CALN1: variants seen among roughly 807,000 people sequenced by gnomAD.
The protein encoded by CALN1 is calneuron 1.
In CALN1, 17 loss-of-function variants were observed where a neutral mutation model predicts 30.6. The observed-to-expected ratio is 0.56, with a 90% confidence interval of 0.38 to 0.83. CALN1 has a LOEUF of 0.83. CALN1 is among the 40% of genes least tolerant of loss of function. CALN1 has a pLI of 0.00. For synonymous variants in CALN1, 156 were observed against 131.4 expected, an observed-to-expected ratio of 1.19 and a Z score of -1.28; for missense variants, 291 against 354.9, an observed-to-expected ratio of 0.82 and a Z score of 1.45.
chr7:71,900,872 T>G (rs1311960531), intron 5 of CALN1, among the ~76,000 whole-genome samples: 1 of 152,196 alleles, frequency 6.6e-6, no homozygotes, highest in Non-Finnish European at 1.5e-5. Context: ...ATCCGACATA[T>G]GTAGTAGCAT....
intron 5 of CALN1, among the ~76,000 whole-genome samples, chr7:71,877,352 T>A (rs1231148817): frequency 1.3e-5 from 2 of 152,140 alleles, no homozygotes; most frequent in Non-Finnish European, 2.9e-5. Context: ...GTTTACAGGT[T>A]CTAGTGAATG....
rs1226187277 is a variant in CALN1, at chr7:72,335,709, C to G, written c.120-56899G>C. Among the ~76,000 whole-genome samples the G allele has an allele frequency of 7.2e-5, 11 of 152,352 alleles. 1 individual carries two copies. Among genetic ancestry groups the G allele is most frequent in the Admixed American group, 6.5e-5 (1 of 15,300 alleles). The stretch of plus-strand genomic sequence containing the variant: ...CTTCGACCCAAATGGAAGAAAGGCG[C>G]CTTCCTCACACAAGCCTCGTCCAAG... On this transcript the variant is annotated intron_variant, in intron 2 of 6. Coordinates refer to ENST00000395275, the MANE Select transcript of CALN1 (RefSeq NM_031468.4).
chr7:72,355,896 C>T (rs1159916384), intron 2 of CALN1, among the ~76,000 whole-genome samples: 1 of 152,046 alleles, frequency 6.6e-6, no homozygotes, highest in African/African-American at 2.4e-5. Context: ...TCAAAGTGTA[C>T]ATTTTAAATG....
intron 4 of CALN1, among the ~76,000 whole-genome samples, chr7:72,027,129 A>T (rs546060994): frequency 3.9e-5 from 6 of 152,356 alleles, no homozygotes; most frequent in South Asian, 2.1e-4. Flanking sequence ...TTCTAGGGCT[A>T]CAGTACATAA....
Position 72,114,515 on chromosome 7 carries a change from G to A in CALN1, c.245-8221C>T, listed in dbSNP as rs761003454. On this transcript the variant is annotated intron_variant, in intron 3 of 6. Transcript: ENST00000395275. Reference sequence around the variant, plus strand: ...TGAAAATATGACAAGAATGGAAAATGGGGATAAAATGATGATCGCTGCATA... The same window carrying A: ...TGAAAATATGACAAGAATGGAAAATAGGGATAAAATGATGATCGCTGCATA... Among the ~76,000 whole-genome samples the A allele has an allele frequency of 9.2e-5, 14 of 151,986 alleles. 1 individual carries two copies. The South Asian group carries it at 1.2e-3, about 14-fold the overall frequency.
chr7:72,483,388 G>A, the CALN1 span, among the ~76,000 whole-genome samples: 2 of 149,230 alleles, frequency 1.3e-5, no homozygotes, highest in Non-Finnish European at 3.0e-5. Context: ...AGGTTCAAGT[G>A]ATTCTCCTAT....
chr7:72,327,652 C>T (rs1299108424), intron 2 of CALN1, among the ~76,000 whole-genome samples: 2 of 152,276 alleles, frequency 1.3e-5, no homozygotes, highest in East Asian at 3.9e-4. Context: ...TGAAAAAGTG[C>T]ACGCGATTTG....
At chr7:72,014,366 C>T (rs1165122049) in intron 5 of CALN1, among the ~76,000 whole-genome samples, 7 of 152,126 alleles carry the variant, frequency 4.6e-5, no homozygotes, top group African/African-American at 7.2e-5. Flanking sequence ...GGATTACAGG[C>T]GTGAGCCACT....
chr7:72,113,302 CTT>C (rs1218126608), intron 3 of CALN1, among the ~76,000 whole-genome samples: 2 of 152,148 alleles, frequency 1.3e-5, no homozygotes, highest in African/African-American at 4.8e-5. Flanking sequence ...CTCTCTCTCT[CTT>C]GCTTCCTCTC....
the CALN1 span, among the ~76,000 whole-genome samples, chr7:72,473,579 G>T: frequency 6.6e-6 from 1 of 152,124 alleles, no homozygotes; most frequent in Non-Finnish European, 1.5e-5. Context: ...ACTTATTAAT[G>T]AAATAATTAA....
intron 3 of CALN1, among the ~76,000 whole-genome samples, chr7:72,111,988 T>A (rs1018633797): frequency 6.6e-6 from 1 of 152,026 alleles, no homozygotes; most frequent in African/African-American, 2.4e-5. Context: ...TAACCTCAGG[T>A]GATCCACCCC....
the CALN1 span, among the ~76,000 whole-genome samples, chr7:72,487,698 G>GAAAGA: frequency 3.9e-3 from 337 of 86,218 alleles, 10 homozygotes; most frequent in African/African-American, 0.015. Context: ...AAGAAAGAAA[G>GAAAGA]AAAGAAAAGA....
intron 5 of CALN1, among the ~76,000 whole-genome samples, chr7:71,826,410 G>A (rs923707060): frequency 3.9e-5 from 6 of 152,148 alleles, no homozygotes; most frequent in Admixed American, 2.0e-4. Flanking sequence ...CTCAGACATC[G>A]TGGTTGACTT....
chr7:72,436,189 C>T (rs1369820566), intron 1 of CALN1, among the ~76,000 whole-genome samples: 1 of 152,228 alleles, frequency 6.6e-6, no homozygotes, highest in South Asian at 2.1e-4. Context: ...TGTCCCCACC[C>T]AAGTCTCATC....
intron 3 of CALN1, among the ~76,000 whole-genome samples, chr7:72,248,495 ATC>A (rs1296629556): frequency 6.6e-6 from 1 of 151,260 alleles, no homozygotes; most frequent in Non-Finnish European, 1.5e-5. Context: ...CTTCCAGCCA[ATC>A]TCTCTCTCTC....
chr7:72,207,544 C>T (rs1161185231), intron 3 of CALN1, among the ~76,000 whole-genome samples: 2 of 152,134 alleles, frequency 1.3e-5, no homozygotes, highest in Admixed American at 1.3e-4. Flanking sequence ...TGCAGTGGTG[C>T]AATCTCGGCT....
At chr7:72,247,633 T>G (rs1795281183) in intron 3 of CALN1, among the ~76,000 whole-genome samples, 1 of 152,184 alleles carries the variant, frequency 6.6e-6, no homozygotes, top group African/African-American at 2.4e-5. Flanking sequence ...AGTCCCCTGG[T>G]AGACATCTGT....
At chr7:71,817,799 C>A (rs985364903) in intron 5 of CALN1, among the ~76,000 whole-genome samples, 6 of 152,184 alleles carry the variant, frequency 3.9e-5, no homozygotes, top group African/African-American at 1.4e-4. Context: ...CAGGTGTGAG[C>A]CACTGCACCC....
intron 1 of CALN1, among the ~76,000 whole-genome samples, chr7:72,419,386 C>A (rs572980671): frequency 6.6e-6 from 1 of 152,108 alleles, no homozygotes; most frequent in Non-Finnish European, 1.5e-5. Flanking sequence ...TTTGATAACC[C>A]ATGGAATCTT....
Sources: allele counts gnomAD v4.1 joint callset (sites outside exome capture counted in the v4.1 genomes callset), GRCh38; gene constraint gnomAD v4.1.1; transcripts MANE v1.5; gene names NCBI Gene and HGNC (gene_info 2026-07-23, HGNC 2026-07-21).